Variants in NTRK2 observed in about 807,000 individuals in gnomAD.
NTRK2 encodes neurotrophic receptor tyrosine kinase 2, also known as BDNF/NT-3 growth factors receptor.
Under a neutral mutation model 94.5 loss-of-function variants are expected in NTRK2, and 13 were observed. The observed-to-expected ratio is 0.14, with a 90% confidence interval of 0.09 to 0.22. NTRK2 has a LOEUF of 0.22. Ranked by LOEUF, NTRK2 falls within the 10% of genes least tolerant of loss-of-function variation. The pLI, the probability that NTRK2 is intolerant of heterozygous loss-of-function variation, is 1.00. For synonymous variants in NTRK2, 372 were observed against 407.4 expected (o/e 0.91, Z 1.05); for missense variants, 639 against 1,071.2 (o/e 0.60, Z 5.63).
At position 84,728,511 on chromosome 9, in the gene NTRK2, C is replaced by T. The variant is rs552634985; in HGVS notation, c.1159+552C>T. Among the ~76,000 whole-genome samples the T allele has an allele frequency of 2.0e-3, 299 of 152,244 alleles. 13 individuals are homozygous for T. In the South Asian group the frequency reaches 0.06, roughly 30 times the overall value. On this transcript the variant is annotated intron_variant, in intron 9 of 18. Coordinates refer to ENST00000277120, the MANE Select transcript of NTRK2 (RefSeq NM_006180.6). ...GATTTTGTACCCACAATGGCAAAAC[C>T]CATGCAAAACCGCAAGCGCAGGAAC...
intron 2 of NTRK2, among the ~76,000 whole-genome samples, chr9:84,689,760 G>A (rs1021761236): frequency 6.6e-6 from 1 of 152,028 alleles, no homozygotes; most frequent in Admixed American, 6.6e-5. Context: ...TTGAAACTCT[G>A]TACCCTTCAA....
chr9:84,834,209 A>G (rs1449369785), intron 12 of NTRK2, among the ~76,000 whole-genome samples: 1 of 152,262 alleles, frequency 6.6e-6, no homozygotes, highest in East Asian at 1.9e-4. Context: ...TTTGAATTTT[A>G]GATAAACAAG....
intron 12 of NTRK2, among the ~76,000 whole-genome samples, chr9:84,842,126 C>T (rs1323671883): frequency 6.6e-6 from 1 of 152,310 alleles, no homozygotes; most frequent in East Asian, 1.9e-4. Context: ...TCATGTCCAG[C>T]CAGTCTTGCA....
At chr9:84,924,442 G>A (rs2077688230) in intron 14 of NTRK2, among the ~76,000 whole-genome samples, 1 of 152,126 alleles carries the variant, frequency 6.6e-6, no homozygotes, top group Non-Finnish European at 1.5e-5. Flanking sequence ...CCAGGATTTT[G>A]TACAATCACG....
intron 1 of NTRK2, 49 bp from the exon 2 acceptor site, chr9:84,670,328 G>T (rs971899348): frequency 3.3e-6 from 1 of 302,510 alleles, no homozygotes; most frequent in African/African-American, 2.2e-5. Context: ...CCCAATTAGT[G>T]GTGTTGGGGG....
rs1419104158 is a variant in NTRK2 at position 84,670,684 on chromosome 9, C to A, written c.-65C>A. On this transcript the variant is annotated 5_prime_UTR_variant, in exon 2 of 19. Coordinates refer to ENST00000277120, the MANE Select transcript of NTRK2 (RefSeq NM_006180.6). The stretch of plus-strand genomic sequence containing the variant: ...CAAGCGCAGGGAAGGCCTCCCCGCA[C>A]GGGTGGGGGAAAGCGGCCGGTGCAG... The A allele has an allele frequency of 1.3e-6, 2 of 1,549,216 alleles. No individual in the cohort carries two copies. Among genetic ancestry groups the A allele is most frequent in the Admixed American group, 1.7e-5 (1 of 59,902 alleles).
chr9:84,758,379 T>G (rs1305987303), intron 12 of NTRK2, among the ~76,000 whole-genome samples: 2 of 151,854 alleles, frequency 1.3e-5, no homozygotes, highest in Non-Finnish European at 2.9e-5. Flanking sequence ...CTTTAGTCTT[T>G]TTGTAATTAT....
intron 12 of NTRK2, among the ~76,000 whole-genome samples, chr9:84,804,227 C>T (rs2070838139): frequency 6.6e-6 from 1 of 152,168 alleles, no homozygotes; most frequent in African/African-American, 2.4e-5. Flanking sequence ...TAATTGTGTT[C>T]AGTCTCTGAA....
At chr9:84,725,063 C>T (rs1156765433) in intron 8 of NTRK2, among the ~76,000 whole-genome samples, 2 of 152,136 alleles carry the variant, frequency 1.3e-5, no homozygotes, top group Non-Finnish European at 2.9e-5. Context: ...TATATAGACA[C>T]TTCACGTCAT....
At chr9:84,857,856 G>T (rs1335880790) in intron 12 of NTRK2, among the ~76,000 whole-genome samples, 1 of 152,042 alleles carries the variant, frequency 6.6e-6, no homozygotes, top group Non-Finnish European at 1.5e-5. Context: ...ATTTTGATAC[G>T]AAGCCTGTGT....
upstream of NTRK2, among the ~76,000 whole-genome samples, chr9:84,669,025 A>G (rs1018793006): frequency 1.3e-5 from 2 of 152,098 alleles, no homozygotes; most frequent in Non-Finnish European, 2.9e-5. The surrounding 1 kb of genome is among the most constrained non-coding windows in gnomAD (Gnocchi z 4.1). Flanking sequence ...ACGGCAGGAA[A>G]AAGACCCACT....
chr9:84,689,419 G>A (rs2059912102), intron 2 of NTRK2, among the ~76,000 whole-genome samples: 1 of 152,166 alleles, frequency 6.6e-6, no homozygotes, highest in Non-Finnish European at 1.5e-5. Context: ...TCTTTGTTCT[G>A]TGACTTTGGT....
chr9:84,890,895 A>AT (rs2076575551), intron 14 of NTRK2, among the ~76,000 whole-genome samples: 1 of 152,248 alleles, frequency 6.6e-6, no homozygotes, highest in Non-Finnish European at 1.5e-5. Flanking sequence ...GTCTGAGACT[A>AT]TAACTCTAAG....
At chr9:85,002,887 G>A (rs922333475) in intron 17 of NTRK2, among the ~76,000 whole-genome samples, 1 of 152,128 alleles carries the variant, frequency 6.6e-6, no homozygotes, top group African/African-American at 2.4e-5. Context: ...GGTGGATAGG[G>A]TTGTCTACAA....
chr9:84,767,804 G>A (rs1021966786), intron 12 of NTRK2, among the ~76,000 whole-genome samples: 6 of 152,204 alleles, frequency 3.9e-5, no homozygotes, highest in African/African-American at 9.6e-5. Context: ...CTGGGAATTC[G>A]ATTCTTCTTA....
chr9:84,739,347 G>A (rs960621596), intron 9 of NTRK2, among the ~76,000 whole-genome samples: 10 of 152,274 alleles, frequency 6.6e-5, no homozygotes, highest in East Asian at 3.9e-4. Flanking sequence ...CACCACCCCC[G>A]GCCCTGGCCT....
intron 12 of NTRK2, among the ~76,000 whole-genome samples, chr9:84,806,674 C>T (rs1348546453): frequency 1.3e-5 from 2 of 152,106 alleles, no homozygotes; most frequent in South Asian, 2.1e-4. Flanking sequence ...ATAGAAAAAG[C>T]GACAACAGCA....
chr9:84,692,185 A>G (rs764674728), intron 2 of NTRK2, among the ~76,000 whole-genome samples: 6 of 152,144 alleles, frequency 3.9e-5, no homozygotes, highest in Non-Finnish European at 7.4e-5. Context: ...TCTGAGACCT[A>G]ATGTAAAATA....
intron 17 of NTRK2, among the ~76,000 whole-genome samples, chr9:84,993,640 T>C (rs1301384808): frequency 6.6e-6 from 1 of 152,180 alleles, no homozygotes; most frequent in Non-Finnish European, 1.5e-5. Context: ...TGTTTTCTCA[T>C]TGCTTTTAGG....
Sources: allele counts gnomAD v4.1 joint callset (sites outside exome capture counted in the v4.1 genomes callset), GRCh38; gene constraint gnomAD v4.1.1; non-coding constraint Gnocchi (gnomAD v3.1); transcripts MANE v1.5; gene names NCBI Gene and HGNC (gene_info 2026-07-23, HGNC 2026-07-21).